Variants in SPAST observed in about 807,000 individuals in gnomAD.
SPAST encodes spastic paraplegia 4 (autosomal dominant; spastin).
SPAST carries 30 observed loss-of-function variants against 76.6 expected under a neutral mutation model. The ratio of observed to expected loss-of-function variants is 0.39; its 90% CI spans 0.29 to 0.53. The LOEUF is 0.53. Among genes scored for constraint, SPAST ranks in the 20% least tolerant of loss-of-function variants. The pLI is 0.68. For synonymous variants in SPAST, 305 were observed against 281.0 expected, an observed-to-expected ratio of 1.09 and a Z score of -0.86; for missense variants, 717 against 770.5, an observed-to-expected ratio of 0.93 and a Z score of 0.82.
chr2:32,129,558 G>C (rs1455885476), intron 9 of SPAST: 1 of 152,182 alleles, frequency 6.6e-6, no homozygotes, highest in African/African-American at 2.4e-5. Context: ...TGCAGAACTA[G>C]TGTGTAAATA....
intron 4 of SPAST, among the ~76,000 whole-genome samples, chr2:32,111,902 A>G (rs1478197554): frequency 1.3e-5 from 2 of 150,378 alleles, no homozygotes; most frequent in Admixed American, 6.7e-5. Flanking sequence ...GTCTATATAT[A>G]AAGTCTCAGA....
At chr2:32,103,579 T>C (rs1386199328) in intron 4 of SPAST, among the ~76,000 whole-genome samples, 1 of 152,226 alleles carries the variant, frequency 6.6e-6, no homozygotes, top group Non-Finnish European at 1.5e-5. Flanking sequence ...TTTTAGATCT[T>C]TCCTGTTTTC....
intron 4 of SPAST, among the ~76,000 whole-genome samples, chr2:32,099,350 T>C (rs755807442): frequency 2.6e-5 from 4 of 152,176 alleles, no homozygotes; most frequent in Non-Finnish European, 5.9e-5. Flanking sequence ...AATTTGAAAC[T>C]TCACATAGTG....
At chr2:32,120,196 C>A (rs551259094) in intron 7 of SPAST, among the ~76,000 whole-genome samples, 1 of 152,158 alleles carries the variant, frequency 6.6e-6, no homozygotes, top group East Asian at 1.9e-4. Flanking sequence ...TTTCTTCTTT[C>A]AAAAATGTTA....
chr2:32,142,030 G>C, intron 13 of SPAST, 84 bp downstream of exon 13: 1 of 1,044,264 alleles, frequency 9.6e-7, no homozygotes, highest in Non-Finnish European at 1.5e-6. Context: ...TCCAATCCAT[G>C]GTACAGCTAC....
chr2:32,132,529 C>CT (rs34112329), intron 9 of SPAST, among the ~76,000 whole-genome samples: 113 of 148,190 alleles, frequency 7.6e-4, no homozygotes, highest in African/African-American at 1.6e-3. Context: ...AAAACTCAAT[C>CT]TTTTTTTTTT....
chr2:32,134,165 A>G (rs1302385614), intron 9 of SPAST, among the ~76,000 whole-genome samples: 4 of 151,328 alleles, frequency 2.6e-5, no homozygotes, highest in Non-Finnish European at 4.4e-5. Flanking sequence ...CATCCCAAGT[A>G]GCTGGGACTA....
chr2:32,089,672 G>A (rs1677633859), intron 3 of SPAST, 67 bp downstream of exon 3: 5 of 874,604 alleles, frequency 5.7e-6, no homozygotes, highest in South Asian at 4.0e-5. Context: ...ACTTTAATTT[G>A]TAGAAAGAAA....
At chr2:32,150,550 GC>G (rs1680048948) in intron 16 of SPAST, among the ~76,000 whole-genome samples, 1 of 151,604 alleles carries the variant, frequency 6.6e-6, no homozygotes, top group South Asian at 2.1e-4. Context: ...CAATCCTCCT[GC>G]CTCAGCCTTT....
intron 9 of SPAST, among the ~76,000 whole-genome samples, chr2:32,133,938 A>T (rs182294473): frequency 1.3e-5 from 2 of 152,214 alleles, no homozygotes; most frequent in African/African-American, 2.4e-5. Context: ...AAATGTTCTC[A>T]ATATTCTAAA....
chr2:32,098,334 TGTATGTA>T (rs1401776949), intron 3 of SPAST, among the ~76,000 whole-genome samples: 1 of 152,106 alleles, frequency 6.6e-6, no homozygotes, highest in Non-Finnish European at 1.5e-5. Context: ...TAGTGGTGTC[TGTATGTA>T]GTGTCAACTA....
At chr2:32,137,342 G>A (rs1056457181) in intron 12 of SPAST, among the ~76,000 whole-genome samples, 154 bp downstream of exon 12, 1 of 152,072 alleles carries the variant, frequency 6.6e-6, no homozygotes, top group African/African-American at 2.4e-5. Flanking sequence ...AACTACATAA[G>A]GATTTTGAGG....
intron 2 of SPAST, among the ~76,000 whole-genome samples, 199 bp from the exon 3 acceptor site, chr2:32,089,323 C>G (rs1573072433): frequency 6.6e-6 from 1 of 150,780 alleles, no homozygotes; most frequent in East Asian, 2.0e-4. Context: ...AGAAGTGAGC[C>G]ACAACACCTG....
At chr2:32,105,979 C>T (rs1678305123) in intron 4 of SPAST, among the ~76,000 whole-genome samples, 1 of 152,212 alleles carries the variant, frequency 6.6e-6, no homozygotes, top group Non-Finnish European at 1.5e-5. Flanking sequence ...CTACTACTCT[C>T]TTTAGAGCTG....
rs71407417 is a variant in SPAST, at chr2:32,147,345, G to GTTTTTTTTTT, written c.1728+103_1728+112dup. The GTTTTTTTTTT allele has an allele frequency of 3.5e-4, 57 of 162,892 alleles. 4 individuals are homozygous for GTTTTTTTTTT. The highest frequency in any genetic ancestry group is 2.6e-3 in the African/African-American group (46 of 17,420). 10.1% of individuals were successfully genotyped at this position (162,892 alleles called of 1,614,324 possible). On this transcript the variant is annotated intron_variant, in intron 16 of 16. Transcript: ENST00000315285. ...ACATATATGAATGTGTGTGTGTGTG[G>GTTTTTTTTTT]TTTTTTTTTTTTTTTTTTTTTTTTT... is the stretch of plus-strand genomic sequence containing the variant.
chr2:32,124,963 C>A (rs1330492702), intron 7 of SPAST, among the ~76,000 whole-genome samples: 1 of 152,136 alleles, frequency 6.6e-6, no homozygotes, highest in Non-Finnish European at 1.5e-5. Flanking sequence ...ATGGTGGATA[C>A]ATGTCATTAT....
rs1131691972 is a variant in SPAST, at chr2:32,154,407, T to A, written c.1762T>A (p.Ser588Thr). ...RNIRLSDFTE[S>T]LKKIKRSVSP... ...TATTCGATTATCTGACTTCACTGAA[T>A]CCTTGAAAAAAATAAAACGCAGCGT... Residue 588 changes from serine (S) to threonine (T), a missense_variant, in exon 17 of 17, where the codon TCC (serine) becomes ACC (threonine). Coordinates refer to ENST00000315285, the MANE Select transcript of SPAST (RefSeq NM_014946.4). 1 of 1,613,288 alleles carries A rather than the reference T, an allele frequency of 6.2e-7. No individual in the cohort carries two copies. The highest frequency in any genetic ancestry group is 2.2e-5 in the East Asian group (1 of 44,848).
At chr2:32,091,896 A>C (rs555198848) in intron 3 of SPAST, among the ~76,000 whole-genome samples, 22 of 152,156 alleles carry the variant, frequency 1.4e-4, no homozygotes, top group African/African-American at 4.8e-4. Flanking sequence ...TACAGGCATG[A>C]GCCACCACGC....
Position 32,064,307 on chromosome 2 carries a change from G to A in SPAST, c.415+61G>A, listed in dbSNP as rs1314995042. Reference sequence around the variant, plus strand: ...GGGAAGAAGGCGGTGGGGTCGCCGGGGGAGGGCAACACCTGCGTCCCTTTT... The same window carrying A: ...GGGAAGAAGGCGGTGGGGTCGCCGGAGGAGGGCAACACCTGCGTCCCTTTT... On this transcript the variant is annotated intron_variant, in intron 1 of 16. Transcript: ENST00000315285. 6.0e-6 allele frequency: 8 copies of A among 1,331,204 alleles called. No individual in the cohort carries two copies. The African/African-American group carries it at 1.0e-4, about 17-fold the overall frequency. 82.5% of individuals were successfully genotyped at this position (1,331,204 alleles called of 1,614,324 possible). A position where few individuals can be genotyped will look rare whatever the true frequency, so the allele number is the denominator to read the frequency against.
Sources: gnomAD v4.1 joint callset for allele counts (sites outside exome capture counted in the v4.1 genomes callset) on GRCh38, gnomAD v4.1.1 for gene constraint, MANE v1.5 for transcripts, NCBI Gene and HGNC (gene_info 2026-07-23, HGNC 2026-07-21) for gene names.